The following MAN1C1 variants were observed in gnomAD, a reference collection of about 807,000 sequenced individuals.
The protein encoded by MAN1C1 is mannosidase alpha class 1C member 1, also known as mannosyl-oligosaccharide 1,2-alpha-mannosidase IC.
MAN1C1 carries 49 observed loss-of-function variants against 71.5 expected under a neutral mutation model. The observed-to-expected ratio is 0.69, with a 90% CI of 0.54 to 0.87. The LOEUF is 0.87. Ranked by LOEUF, MAN1C1 falls within the 40% of genes least tolerant of loss-of-function variation. MAN1C1 has a pLI of 0.00. For synonymous variants in MAN1C1, 352 were observed against 343.7 expected, an observed-to-expected ratio of 1.02 and a Z score of -0.27; for missense variants, 743 against 835.0, an observed-to-expected ratio of 0.89 and a Z score of 1.36.
rs980038588 is a variant in MAN1C1, at chr1:25,784,314, C to T, written c.*525C>T. The T allele has an allele frequency of 6.6e-6, 1 of 152,502 alleles. No individual in the cohort carries two copies. Among genetic ancestry groups the T allele is most frequent in the East Asian group, 1.9e-4 (1 of 5,204 alleles). 9.4% of individuals were successfully genotyped at this position (152,502 alleles called of 1,614,324 possible). A position where few individuals can be genotyped will look rare whatever the true frequency, so the allele number is the denominator to read the frequency against. On this transcript the variant is annotated 3_prime_UTR_variant, in exon 12 of 12. Coordinates refer to ENST00000374332, the MANE Select transcript of MAN1C1 (RefSeq NM_020379.4). Reference sequence around the variant, plus strand: ...TGCCCAACACTGACCCTATGTTCAACTTTGTGTCATTTACCTTATAATTTG... The same window carrying T: ...TGCCCAACACTGACCCTATGTTCAATTTTGTGTCATTTACCTTATAATTTG...
At chr1:25,688,300 A>G (rs2046262311) in intron 2 of MAN1C1, among the ~76,000 whole-genome samples, 1 of 152,212 alleles carries the variant, frequency 6.6e-6, no homozygotes, top group South Asian at 2.1e-4. Context: ...TCCCCACATA[A>G]CCTACATCAG....
chr1:25,745,600 CT>C (rs1261913438), intron 2 of MAN1C1, among the ~76,000 whole-genome samples: 1 of 152,308 alleles, frequency 6.6e-6, no homozygotes, highest in East Asian at 1.9e-4. Flanking sequence ...TCGACCTCAC[CT>C]GCGTGGATGA....
At position 25,617,144 on chromosome 1, in the gene MAN1C1, T is replaced by A. The variant is rs1370928557; in HGVS notation, c.-654T>A. 6.6e-6 allele frequency among the ~76,000 whole-genome samples: 1 copy of A among 151,708 alleles called. No individual in the cohort carries two copies. Among genetic ancestry groups the A allele is most frequent in the African/African-American group, 2.4e-5 (1 of 41,334 alleles). ...CCGCAGGCTCGGAAGTGCCTGCTCC[T>A]GCTCCCTGGCCACTCCGGCTCCCAG... On this transcript the variant is annotated 5_prime_UTR_variant, in exon 1 of 12. Transcript: ENST00000374332. The surrounding 1 kb of genome is among the most constrained non-coding windows in gnomAD (Gnocchi z 5.1).
intron 1 of MAN1C1, among the ~76,000 whole-genome samples, chr1:25,650,224 A>C (rs1233269217): frequency 6.6e-6 from 1 of 152,164 alleles, no homozygotes; most frequent in African/African-American, 2.4e-5. Flanking sequence ...TGCTTTTATA[A>C]ATCAGGTCCT....
Position 25,618,340 on chromosome 1 carries a change from A to T in MAN1C1, c.540+3A>T. The T allele has an allele frequency of 6.3e-7, 1 of 1,595,060 alleles. No individual in the cohort carries two copies. Among genetic ancestry groups the T allele is most frequent in the Non-Finnish European group, 8.5e-7 (1 of 1,173,416 alleles). ...CCCAGCGGGAGAAAATCAAGGAGGT[A>T]TGGACTCAGCCCCCAAACTCCTCCC... On this transcript the variant is annotated splice_donor_region_variant and intron_variant, in intron 1 of 11. Coordinates refer to ENST00000374332, the MANE Select transcript of MAN1C1 (RefSeq NM_020379.4).
chr1:25,730,775 G>A lies in MAN1C1; in HGVS notation c.638-15893G>A, dbSNP rs937781929. On this transcript the variant is annotated intron_variant, in intron 2 of 11. Coordinates refer to ENST00000374332, the MANE Select transcript of MAN1C1 (RefSeq NM_020379.4). The surrounding 1 kb of genome is among the most constrained non-coding windows in gnomAD (Gnocchi z 4.3). ...CAAGCGGGGAGGGGGTTCTCCCTGT[G>A]TGGGCACTTCCTCCTCCTTTTCACT... Among the ~76,000 whole-genome samples the A allele has an allele frequency of 1.3e-5, 2 of 152,210 alleles. No individual in the cohort carries two copies. Among genetic ancestry groups the A allele is most frequent in the Admixed American group, 1.3e-4 (2 of 15,284 alleles).
chr1:25,745,283 G>A (rs559906548), intron 2 of MAN1C1, among the ~76,000 whole-genome samples: 53 of 152,108 alleles, frequency 3.5e-4, no homozygotes, highest in African/African-American at 1.2e-3. Context: ...GAGAATGGCC[G>A]CAAATTTTTA....
chr1:25,629,699 G>A (rs1462648788), intron 1 of MAN1C1, among the ~76,000 whole-genome samples: 1 of 151,396 alleles, frequency 6.6e-6, no homozygotes, highest in Non-Finnish European at 1.5e-5. Context: ...GGGATTACAG[G>A]TGTGAGCCAC....
At chr1:25,670,918 C>G (rs1445466400) in intron 1 of MAN1C1, among the ~76,000 whole-genome samples, 1 of 152,186 alleles carries the variant, frequency 6.6e-6, no homozygotes, top group Non-Finnish European at 1.5e-5. Context: ...ACTCTGTCAC[C>G]CAGGCTGGAG....
chr1:25,734,167 C>T (rs867716906), intron 2 of MAN1C1, among the ~76,000 whole-genome samples: 20 of 152,168 alleles, frequency 1.3e-4, no homozygotes, highest in Middle Eastern at 6.8e-3. Context: ...CTCTCTCTGT[C>T]ACCCAGGCTG....
At chr1:25,707,505 G>A (rs530101126) in intron 2 of MAN1C1, among the ~76,000 whole-genome samples, 1 of 152,348 alleles carries the variant, frequency 6.6e-6, no homozygotes, top group East Asian at 1.9e-4. Context: ...AACTGGGAAA[G>A]GCTACTTCAG....
chr1:25,750,238 A>G (rs1250782573), intron 4 of MAN1C1, among the ~76,000 whole-genome samples: 2 of 152,226 alleles, frequency 1.3e-5, no homozygotes, highest in Non-Finnish European at 2.9e-5. Flanking sequence ...TCCCTGCGAG[A>G]GAATTTTGAA....
intron 11 of MAN1C1, among the ~76,000 whole-genome samples, chr1:25,783,142 T>C (rs1377606897): frequency 1.3e-5 from 2 of 152,182 alleles, no homozygotes. Flanking sequence ...TTCCTCACTG[T>C]TCCCCAAAGC....
rs1306100642 is a variant in MAN1C1 at position 25,618,054 on chromosome 1, C to CCGCCG, written c.263_267dup (p.Ala90ArgfsTer94). On this transcript the variant is annotated frameshift_variant, in exon 1 of 12. Transcript: ENST00000374332. LOFTEE classifies it high-confidence loss of function. ...CAGGAGCCGCCTCCCAACCCGGCCCCCGCCGCGCCGGCCCCGGGCGAGGAT... is the reference window on the plus strand; with the variant it reads ...CAGGAGCCGCCTCCCAACCCGGCCCCCGCCGCGCCGCGCCGGCCCCGGGCGAGGAT... 1.3e-6 allele frequency: 2 copies of CCGCCG among 1,562,388 alleles called. No homozygotes were observed. Among genetic ancestry groups the CCGCCG allele is most frequent in the African/African-American group, 2.8e-5 (2 of 71,766 alleles).
At chr1:25,783,161 T>A (rs2047720349) in intron 11 of MAN1C1, among the ~76,000 whole-genome samples, 1 of 152,156 alleles carries the variant, frequency 6.6e-6, no homozygotes, top group Non-Finnish European at 1.5e-5. Flanking sequence ...GCAAGCCCCT[T>A]GTGCTTTAAC....
intron 2 of MAN1C1, among the ~76,000 whole-genome samples, chr1:25,703,488 C>A (rs1345721219): frequency 6.6e-6 from 1 of 152,140 alleles, no homozygotes; most frequent in African/African-American, 2.4e-5. Context: ...TCGAGACCAG[C>A]CTGACCAACA....
chr1:25,783,630 G>A (rs2047727405), intron 11 of MAN1C1, 33 bp from the exon 12 acceptor site: 1 of 1,605,876 alleles, frequency 6.2e-7, no homozygotes, highest in Non-Finnish European at 8.5e-7. Context: ...CTGACAGACT[G>A]TGTCTTGCTT....
chr1:25,700,621 C>A (rs116129740), intron 2 of MAN1C1, among the ~76,000 whole-genome samples: 1 of 152,156 alleles, frequency 6.6e-6, no homozygotes, highest in African/African-American at 2.4e-5. Flanking sequence ...TATGAGAAAG[C>A]GGGCATTTAA....
chr1:25,771,849 C>T lies in MAN1C1; in HGVS notation c.1257+77C>T, dbSNP rs554188978. ...CTCTCACGGCCGAGCGAGGGTGCTG[C>T]GGGCAGCGGGGCCAGATGGGCCGAG... is the stretch of plus-strand genomic sequence containing the variant. On this transcript the variant is annotated intron_variant, in intron 8 of 11. Coordinates refer to ENST00000374332, the MANE Select transcript of MAN1C1 (RefSeq NM_020379.4). The T allele has an allele frequency of 8.2e-5, 94 of 1,144,016 alleles. No individual in the cohort carries two copies. In the Middle Eastern group the frequency reaches 2.0e-3, roughly 24 times the overall value. The allele number at this position is 1,144,016 out of a possible 1,614,324, so 70.9% of individuals were successfully genotyped here.
Sources: gnomAD v4.1 joint callset for allele counts (sites outside exome capture counted in the v4.1 genomes callset) on GRCh38, gnomAD v4.1.1 for gene constraint, Gnocchi (gnomAD v3.1) non-coding constraint, MANE v1.5 for transcripts, NCBI Gene and HGNC (gene_info 2026-07-23, HGNC 2026-07-21) for gene names.